The following GABRG2 variants were observed in gnomAD, a reference collection of about 807,000 sequenced individuals.
GABRG2 encodes gamma-aminobutyric acid type A receptor subunit gamma2.
A neutral mutation model predicts 56.4 loss-of-function variants in GABRG2; 16 were observed. That is an observed-to-expected ratio of 0.28 (90% CI 0.19 to 0.43). The LOEUF is 0.43. Ranked by LOEUF, GABRG2 falls within the 20% of genes least tolerant of loss-of-function variation. The probability of loss-of-function intolerance (pLI) is 1.00; values close to 1 mark genes in which losing one functional copy is unlikely to be tolerated. For synonymous variants in GABRG2, 208 were observed against 205.5 expected (o/e 1.01, Z -0.10); for missense variants, 327 against 582.7 (o/e 0.56, Z 4.52).
Position 162,110,289 on chromosome 5 carries a change from C to T in GABRG2, c.769+6263C>T, listed in dbSNP as rs78394976. Reference sequence around the variant, plus strand: ...AAAGTATACATATACTGTATCTTTACGTGTTGGGCATCATTCTCCCATCAT... The same window carrying T: ...AAAGTATACATATACTGTATCTTTATGTGTTGGGCATCATTCTCCCATCAT... On this transcript the variant is annotated intron_variant, in intron 6 of 9. Transcript: ENST00000639213. Among the ~76,000 whole-genome samples, 1,281 of 152,180 alleles carry T rather than the reference C, an allele frequency of 8.4e-3. 27 individuals are homozygous for T. The highest frequency in any genetic ancestry group is 0.029 in the African/African-American group (1,216 of 41,528).
Position 162,143,082 on chromosome 5 carries a change from A to G in GABRG2, c.922+766A>G, listed in dbSNP as rs544477310. 3.9e-5 allele frequency among the ~76,000 whole-genome samples: 6 copies of G among 152,286 alleles called. No individual in the cohort carries two copies. The South Asian group carries it at 1.2e-3, about 32-fold the overall frequency. On this transcript the variant is annotated intron_variant, in intron 7 of 9. Transcript: ENST00000639213. ...ATGCTGAAGCTGCTTGCACCAGCTC[A>G]TGAAAGTTGATTGTGTTTATCTCTT...
intron 6 of GABRG2, among the ~76,000 whole-genome samples, chr5:162,129,919 G>C (rs1448626549): frequency 6.6e-6 from 1 of 151,850 alleles, no homozygotes; most frequent in Non-Finnish European, 1.5e-5. Flanking sequence ...TTATAGGGAA[G>C]AGAAAGAGAA....
intron 3 of GABRG2, among the ~76,000 whole-genome samples, chr5:162,097,425 C>T (rs182624949): frequency 1.3e-5 from 2 of 152,274 alleles, no homozygotes; most frequent in African/African-American, 4.8e-5. Context: ...CTCACTTAGA[C>T]AGATCTACTT....
intron 1 of GABRG2, among the ~76,000 whole-genome samples, chr5:162,075,766 A>C (rs1759050073): frequency 6.6e-6 from 1 of 152,192 alleles, no homozygotes; most frequent in African/African-American, 2.4e-5. Flanking sequence ...AAAAAATAAA[A>C]GAAAATGAAC....
Position 162,112,984 on chromosome 5 carries a change from G to A in GABRG2, c.769+8958G>A, listed in dbSNP as rs971313004. The stretch of plus-strand genomic sequence containing the variant: ...TATTATTATTTTGAGACAGAGTCTC[G>A]CTCTGTTACCCAGGCCGGAGTGCAG... On this transcript the variant is annotated intron_variant, in intron 6 of 9. Coordinates refer to ENST00000639213, the MANE Select transcript of GABRG2 (RefSeq NM_198904.4). Among the ~76,000 whole-genome samples, 105 of 151,844 alleles carry A rather than the reference G, an allele frequency of 6.9e-4. 1 individual carries two copies. The highest frequency in any genetic ancestry group is 5.0e-4 in the Non-Finnish European group (34 of 67,948).
At chr5:162,127,215 A>C (rs1763397873) in intron 6 of GABRG2, among the ~76,000 whole-genome samples, 1 of 151,898 alleles carries the variant, frequency 6.6e-6, no homozygotes, top group Non-Finnish European at 1.5e-5. Flanking sequence ...ACAGTGGAAA[A>C]CCTATGTGTT....
intron 1 of GABRG2, among the ~76,000 whole-genome samples, chr5:162,090,769 TAGG>T (rs1561640716): frequency 6.6e-6 from 1 of 152,184 alleles, no homozygotes; most frequent in Non-Finnish European, 1.5e-5. Context: ...TCCATGTAGA[TAGG>T]TACCTTTAGC....
At position 162,151,867 on chromosome 5, in the gene GABRG2, G is replaced by T. The variant is rs1487941376; in HGVS notation, c.1152+114G>T. The T allele has an allele frequency of 4.4e-6, 4 of 916,702 alleles. No homozygotes were observed. In the South Asian group the frequency reaches 5.9e-5, roughly 13 times the overall value. The allele number at this position is 916,702 out of a possible 1,614,324, so 56.8% of individuals were successfully genotyped here. A position where few individuals can be genotyped will look rare whatever the true frequency, so the allele number is the denominator to read the frequency against. On this transcript the variant is annotated intron_variant, in intron 9 of 9. Transcript: ENST00000639213. Reference sequence around the variant, plus strand: ...GTAGACATTTAAGCATTCTACTAGAGATAATATGTTGGAGAAAGTTCTACA... The same window carrying T: ...GTAGACATTTAAGCATTCTACTAGATATAATATGTTGGAGAAAGTTCTACA...
chr5:162,101,374 C>A, intron 5 of GABRG2, 57 bp downstream of exon 5: 2 of 1,132,650 alleles, frequency 1.8e-6, no homozygotes, highest in Non-Finnish European at 2.7e-6. Flanking sequence ...TTTCTGATTG[C>A]CATGTTAATT....
chr5:162,126,088 G>T (rs1317050009), intron 6 of GABRG2, among the ~76,000 whole-genome samples: 2 of 151,922 alleles, frequency 1.3e-5, no homozygotes, highest in Admixed American at 6.6e-5. Flanking sequence ...AGATTTGTGG[G>T]TCATATTTTT....
intron 6 of GABRG2, among the ~76,000 whole-genome samples, chr5:162,135,294 C>T (rs772512361): frequency 1.1e-4 from 17 of 151,982 alleles, no homozygotes; most frequent in Non-Finnish European, 2.4e-4. Context: ...ACACTAAGTT[C>T]AGCAAAAATT....
intron 1 of GABRG2, among the ~76,000 whole-genome samples, chr5:162,086,858 GT>G (rs1261336387): frequency 6.6e-6 from 1 of 151,928 alleles, no homozygotes; most frequent in African/African-American, 2.4e-5. Flanking sequence ...GTTGACTTGA[GT>G]TCTATTTTTT....
At chr5:162,138,789 T>C (rs1764330887) in intron 6 of GABRG2, among the ~76,000 whole-genome samples, 1 of 152,154 alleles carries the variant, frequency 6.6e-6, no homozygotes, top group South Asian at 2.1e-4. Flanking sequence ...AGATAATATA[T>C]GCAAACCATT....
intron 1 of GABRG2, among the ~76,000 whole-genome samples, chr5:162,089,917 T>C (rs1336849510): frequency 1.3e-5 from 2 of 152,276 alleles, no homozygotes; most frequent in African/African-American, 4.8e-5. Context: ...AGAAACTGCA[T>C]GACTAATCTT....
intron 7 of GABRG2, among the ~76,000 whole-genome samples, chr5:162,146,729 A>G (rs2113620763): frequency 6.6e-6 from 1 of 152,342 alleles, no homozygotes; most frequent in African/African-American, 2.4e-5. Context: ...GTTATTACAT[A>G]ATCAGGAATA....
chr5:162,134,695 C>G (rs1461770379), intron 6 of GABRG2, among the ~76,000 whole-genome samples: 1 of 152,100 alleles, frequency 6.6e-6, no homozygotes, highest in Non-Finnish European at 1.5e-5. Flanking sequence ...CTCACACACC[C>G]ATCTCTCAGA....
intron 2 of GABRG2, chr5:162,094,817 A>G (rs910706569): frequency 6.6e-6 from 1 of 152,304 alleles, no homozygotes; most frequent in Admixed American, 6.6e-5. Context: ...GATGGAGACC[A>G]TGCATTTGGT....
intron 6 of GABRG2, among the ~76,000 whole-genome samples, chr5:162,106,378 A>C (rs967594478): frequency 2.0e-5 from 3 of 151,960 alleles, no homozygotes; most frequent in African/African-American, 7.3e-5. Flanking sequence ...GTGTAGTACT[A>C]TTTCAACGGG....
At chr5:162,068,558 C>T (rs1246373436) in intron 1 of GABRG2, among the ~76,000 whole-genome samples, 1 of 151,846 alleles carries the variant, frequency 6.6e-6, no homozygotes, top group Non-Finnish European at 1.5e-5. Context: ...GCGGGCGGCC[C>T]TGTTCCTGTG....
Sources: allele counts gnomAD v4.1 joint callset (sites outside exome capture counted in the v4.1 genomes callset), GRCh38; gene constraint gnomAD v4.1.1; transcripts MANE v1.5; gene names NCBI Gene and HGNC (gene_info 2026-07-23, HGNC 2026-07-21).